Variants in TMEM244 observed in about 807,000 individuals in gnomAD.
TMEM244 encodes the protein putative transmembrane protein 244.
In TMEM244, 13 loss-of-function variants were observed where a neutral mutation model predicts 15.8. The observed-to-expected ratio is 0.82, with a 90% CI of 0.53 to 1.30. TMEM244 has a LOEUF of 1.30. Among genes scored for constraint, TMEM244 ranks in the 50% most tolerant of loss-of-function variants. TMEM244 has a pLI of 0.00. For synonymous variants in TMEM244, 45 were observed against 48.7 expected (o/e 0.92, Z 0.32); for missense variants, 161 against 144.9 (o/e 1.11, Z -0.57).
intron 4 of TMEM244, among the ~76,000 whole-genome samples, chr6:129,832,927 T>C (rs1776350595): frequency 6.6e-6 from 1 of 152,092 alleles, no homozygotes. Context: ...CAGGGAAGGA[T>C]TTTGGAGGAA....
chr6:129,849,902 T>C (rs973610594), intron 1 of TMEM244, among the ~76,000 whole-genome samples: 12 of 152,178 alleles, frequency 7.9e-5, no homozygotes, highest in African/African-American at 2.7e-4. Flanking sequence ...CGTGCACGTG[T>C]GTGAAGGGGG....
intron 2 of TMEM244, 145 bp downstream of exon 2, chr6:129,845,622 T>TA (rs1776550765): frequency 4.3e-6 from 3 of 689,842 alleles, no homozygotes; most frequent in South Asian, 1.8e-5. Flanking sequence ...CTACCAAAAA[T>TA]AAAAAATAAA....
chr6:129,837,314 C>A (rs975078014), intron 3 of TMEM244, among the ~76,000 whole-genome samples: 4 of 152,130 alleles, frequency 2.6e-5, no homozygotes, highest in Non-Finnish European at 5.9e-5. Flanking sequence ...ATTTCATATC[C>A]AGTCAAACTA....
chr6:129,845,887 G>C, intron 1 of TMEM244, 35 bp from the exon 2 acceptor site: 1 of 1,415,494 alleles, frequency 7.1e-7, no homozygotes, highest in Non-Finnish European at 9.9e-7. Flanking sequence ...CCAAGAGCCT[G>C]GGATTTTTCA....
intron 3 of TMEM244, among the ~76,000 whole-genome samples, chr6:129,836,547 A>G (rs1267159076): frequency 6.6e-6 from 1 of 152,194 alleles, no homozygotes; most frequent in Non-Finnish European, 1.5e-5. Flanking sequence ...CCAGTGAGGG[A>G]ACAAAACTGG....
intron 1 of TMEM244, among the ~76,000 whole-genome samples, chr6:129,850,145 T>C (rs914917149): frequency 2.0e-5 from 3 of 152,148 alleles, no homozygotes; most frequent in Admixed American, 6.5e-5. Flanking sequence ...ATGCTACTTA[T>C]GATGAGCTGA....
chr6:129,860,192 C>T (rs6935808), intron 1 of TMEM244, among the ~76,000 whole-genome samples: 18,407 of 150,900 alleles, frequency 0.12, 1,228 homozygotes, highest in Non-Finnish European at 0.14. Context: ...TATAGAGCCC[C>T]CATTCTTTGT....
At chr6:129,840,438 A>G (rs1224668404) in intron 3 of TMEM244, among the ~76,000 whole-genome samples, 1 of 152,142 alleles carries the variant, frequency 6.6e-6, no homozygotes, top group African/African-American at 2.4e-5. Flanking sequence ...CTCAAGATGG[A>G]TAAAGACTTA....
At chr6:129,833,726 C>T (rs1776363128) in intron 3 of TMEM244, 141 bp from the exon 4 acceptor site, 1 of 812,822 alleles carries the variant, frequency 1.2e-6, no homozygotes. Flanking sequence ...TCCTAACAAT[C>T]CTCAAATTTG....
chr6:129,849,672 T>C (rs966751519), intron 1 of TMEM244, among the ~76,000 whole-genome samples: 4 of 152,122 alleles, frequency 2.6e-5, no homozygotes, highest in Admixed American at 2.6e-4. Context: ...TGGGACAGGC[T>C]CCAGGAATTT....
At chr6:129,834,482 G>GA (rs1562195172) in intron 3 of TMEM244, among the ~76,000 whole-genome samples, 9 of 151,822 alleles carry the variant, frequency 5.9e-5, no homozygotes, top group African/African-American at 1.4e-4. Flanking sequence ...ATAAATCTAA[G>GA]CAAACTCTAT....
At position 129,831,344 on chromosome 6, in the gene TMEM244, A is replaced by G. The variant is rs1776326614; in HGVS notation, c.362T>C (p.Leu121Ser). The change falls in exon 5 of 5, where the codon TTA (leucine) becomes TCA (serine). Residue 121 changes from leucine to serine, a missense_variant. Physicochemically the swap from Leu to Ser is moderately radical, Grantham distance 145 (BLOSUM62 -2). Transcript: ENST00000368143. ...FPLTSHWWAALGISKLLV is the reference protein window; with the variant it reads ...FPLTSHWWAASGISKLLV ...CTAAACAAGCAATTTTGATATACCT[A>G]AAGCAGCCCACCAATGTGATGTCAA... 1 of 1,576,444 alleles carries G rather than the reference A, an allele frequency of 6.3e-7. No individual in the cohort carries two copies. The highest frequency in any genetic ancestry group is 1.7e-5 in the Admixed American group (1 of 59,894).
intron 1 of TMEM244, among the ~76,000 whole-genome samples, chr6:129,847,775 CTTTTTTTT>C (rs34238013): frequency 7.3e-6 from 1 of 137,508 alleles, no homozygotes; most frequent in Non-Finnish European, 1.6e-5. Flanking sequence ...TTTCTTTTTT[CTTTTTTTT>C]TTTTTTTTGA....
intron 1 of TMEM244, among the ~76,000 whole-genome samples, chr6:129,860,921 G>A (rs1426567548): frequency 6.6e-6 from 1 of 152,060 alleles, no homozygotes. Context: ...ATAAAATGGT[G>A]CCTTCTAAAC....
intron 1 of TMEM244, among the ~76,000 whole-genome samples, chr6:129,848,125 T>C (rs1193928458): frequency 6.6e-6 from 1 of 152,154 alleles, no homozygotes; most frequent in Non-Finnish European, 1.5e-5. Context: ...CTTCAGTCTC[T>C]CTTTCCTCAA....
Position 129,857,903 on chromosome 6 carries a change from T to C in TMEM244, c.33+3253A>G, listed in dbSNP as rs527656736. Among the ~76,000 whole-genome samples, 86 of 151,682 alleles carry C rather than the reference T, an allele frequency of 5.7e-4. 1 individual carries two copies. The highest frequency in any genetic ancestry group is 2.0e-3 in the African/African-American group (81 of 41,450). On this transcript the variant is annotated intron_variant, in intron 1 of 4. Coordinates refer to ENST00000368143, the MANE Select transcript of TMEM244 (RefSeq NM_001010876.2). Reference sequence around the variant, plus strand: ...AATCATTAGTTCTTATTTTATTCAGTATTTTAAATCAGGAGTGGTTCAGGA... The same window carrying C: ...AATCATTAGTTCTTATTTTATTCAGCATTTTAAATCAGGAGTGGTTCAGGA...
intron 1 of TMEM244, among the ~76,000 whole-genome samples, chr6:129,858,071 A>C (rs1776743803): frequency 6.6e-6 from 1 of 152,020 alleles, no homozygotes; most frequent in Admixed American, 6.6e-5. Context: ...CATTTTTGGA[A>C]TAAATGTCAC....
chr6:129,833,586 C>T lies in TMEM244; in HGVS notation c.194-1G>A, dbSNP rs199684936. ...GTGACCTCTGTTGAAACTAAAAGAA[C>T]TGCAAATACAAGGAAGAATATAATT... On this transcript the variant is annotated splice_acceptor_variant, in intron 3 of 4. Transcript: ENST00000368143. LOFTEE classifies it high-confidence loss of function. 2 of 1,610,478 alleles carry T rather than the reference C, an allele frequency of 1.2e-6. No homozygotes were observed. Among genetic ancestry groups the T allele is most frequent in the African/African-American group, 1.3e-5 (1 of 74,778 alleles).
At chr6:129,842,867 T>C (rs185705652) in intron 3 of TMEM244, among the ~76,000 whole-genome samples, 1 of 151,318 alleles carries the variant, frequency 6.6e-6, no homozygotes, top group African/African-American at 2.4e-5. Context: ...GGTACATAGG[T>C]GTGAAGGTTT....
Sources: allele counts gnomAD v4.1 joint callset (sites outside exome capture counted in the v4.1 genomes callset), GRCh38; gene constraint gnomAD v4.1.1; transcripts MANE v1.5; gene names NCBI Gene and HGNC (gene_info 2026-07-23, HGNC 2026-07-21).